Variants in STAB2 observed in about 807,000 individuals in gnomAD.
STAB2 encodes the protein stabilin 2, also known as stabilin-2.
A neutral mutation model predicts 338.1 loss-of-function variants in STAB2; 288 were observed. That is an observed-to-expected ratio of 0.85 (90% CI 0.77 to 0.94). STAB2 has a LOEUF of 0.94. STAB2 is among the 40% of genes least tolerant of loss of function. STAB2 has a pLI of 0.00. For synonymous variants in STAB2, 1,202 were observed against 1,193.3 expected (o/e 1.01, Z -0.15); for missense variants, 3,141 against 3,210.1 (o/e 0.98, Z 0.52).
At chr12:103,744,083 TTG>T (rs1348273526) in intron 56 of STAB2, among the ~76,000 whole-genome samples, 3 of 152,120 alleles carry the variant, frequency 2.0e-5, no homozygotes, top group Non-Finnish European at 2.9e-5. Context: ...TAATGGTGAC[TTG>T]CACTAGTACG....
In STAB2 at chr12:103,712,337, A is replaced by G. The variant is rs138654815; in HGVS notation, c.4335-30A>G. ...GTGGTGGGAGGTGGAGTATTTTTCT[A>G]CAAACCCCATTTGTCCTTCCTTGTT... On this transcript the variant is annotated intron_variant, in intron 40 of 68. Coordinates refer to ENST00000388887, the MANE Select transcript of STAB2 (RefSeq NM_017564.10). 6.9e-5 allele frequency: 109 copies of G among 1,584,160 alleles called. No homozygotes were observed. The African/African-American group carries it at 1.2e-3, about 18-fold the overall frequency.
At chr12:103,648,253 G>T (rs1873474586) in intron 9 of STAB2, among the ~76,000 whole-genome samples, 1 of 152,180 alleles carries the variant, frequency 6.6e-6, no homozygotes, top group Non-Finnish European at 1.5e-5. Context: ...CTAGGAAGGA[G>T]CAGGGGTGGG....
intron 9 of STAB2, 87 bp from the exon 10 acceptor site, chr12:103,648,603 C>G: frequency 6.6e-7 from 1 of 1,525,336 alleles, no homozygotes; most frequent in Non-Finnish European, 8.8e-7. Context: ...TCCTTTGCTC[C>G]ATCTGTTCAA....
chr12:103,666,252 A>G (rs1875086663), intron 18 of STAB2, 39 bp from the exon 19 acceptor site: 3 of 1,606,184 alleles, frequency 1.9e-6, no homozygotes, highest in Non-Finnish European at 1.7e-6. Context: ...GCTCCCTCTC[A>G]TAGGGACACC....
At chr12:103,709,442 T>C (rs1419634099) in intron 39 of STAB2, among the ~76,000 whole-genome samples, 1 of 152,204 alleles carries the variant, frequency 6.6e-6, no homozygotes, top group Non-Finnish European at 1.5e-5. Flanking sequence ...TGATCGTATT[T>C]GGCACTTAAG....
In STAB2 at chr12:103,746,638, A is replaced by T; in HGVS notation, c.6178A>T (p.Thr2060Ser). 6.2e-7 allele frequency: 1 copy of T among 1,614,068 alleles called. No individual in the cohort carries two copies. Among genetic ancestry groups the T allele is most frequent in the Non-Finnish European group, 8.5e-7 (1 of 1,179,958 alleles). ...TACGCCTCCTTGTTCTGCTCATGCC[A>T]CCTGTAAGGAGAACAACACGTGTGA... ...VCTPPCSAHA[T>S]CKENNTCECN... Residue 2060 changes from threonine (T) to serine (S), a missense_variant, in exon 58 of 69, where the codon ACC (threonine) becomes TCC (serine). By Grantham distance (58) the Thr-to-Ser change is moderately conservative (BLOSUM62 1). Transcript: ENST00000388887.
chr12:103,759,277 C>T lies in STAB2; in HGVS notation c.7248+4C>T, dbSNP rs769148002. 8 of 1,613,542 alleles carry T rather than the reference C, an allele frequency of 5.0e-6. No homozygotes were observed. The highest frequency in any genetic ancestry group is 1.3e-5 in the African/African-American group (1 of 75,030). On this transcript the variant is annotated splice_donor_region_variant and intron_variant, in intron 65 of 68. Transcript: ENST00000388887. ...CAGCCAGGACCCACTCCAACCGGTA[C>T]AAAGTCTTCTGGGCTTCTTGGGGGA...
chr12:103,720,579 T>C (rs982431094), intron 44 of STAB2, among the ~76,000 whole-genome samples: 1 of 152,228 alleles, frequency 6.6e-6, no homozygotes, highest in South Asian at 2.1e-4. Context: ...AAAGCTCTTT[T>C]AAATACTGGG....
At chr12:103,700,467 A>G (rs1878764774) in intron 34 of STAB2, among the ~76,000 whole-genome samples, 1 of 152,224 alleles carries the variant, frequency 6.6e-6, no homozygotes, top group African/African-American at 2.4e-5. Context: ...GCTTATGGGG[A>G]AAAAAGTCTT....
intron 16 of STAB2, 126 bp downstream of exon 16, chr12:103,660,510 T>G: frequency 7.6e-7 from 1 of 1,308,374 alleles, no homozygotes; most frequent in South Asian, 1.2e-5. Context: ...CCCTCAGCCA[T>G]GAACAATGAG....
chr12:103,766,463 C>T lies in STAB2; in HGVS notation c.*127C>T. The T allele has an allele frequency of 9.3e-7, 1 of 1,077,736 alleles. No individual in the cohort carries two copies. Among genetic ancestry groups the T allele is most frequent in the East Asian group, 2.6e-5 (1 of 39,100 alleles). The allele number at this position is 1,077,736 out of a possible 1,614,324, so 66.8% of individuals were successfully genotyped here. On this transcript the variant is annotated 3_prime_UTR_variant, in exon 69 of 69. Coordinates refer to ENST00000388887, the MANE Select transcript of STAB2 (RefSeq NM_017564.10). ...CACTCAGAAGCCATACCTCATCTCT[C>T]TGGCTGATCTGGGGGTTGTTTCTGT... is the stretch of plus-strand genomic sequence containing the variant.
chr12:103,684,274 C>A (rs1306150390), intron 26 of STAB2, among the ~76,000 whole-genome samples: 1 of 152,166 alleles, frequency 6.6e-6, no homozygotes, highest in African/African-American at 2.4e-5. Context: ...ACTGGCCCAA[C>A]TGGGTGCAGG....
chr12:103,670,123 C>G (rs1875612283), intron 21 of STAB2, among the ~76,000 whole-genome samples: 1 of 151,972 alleles, frequency 6.6e-6, no homozygotes, highest in East Asian at 1.9e-4. Context: ...ATTTAATAAG[C>G]CCGCCTCTAA....
intron 22 of STAB2, among the ~76,000 whole-genome samples, chr12:103,673,560 G>T (rs890007748): frequency 6.6e-6 from 1 of 151,918 alleles, no homozygotes; most frequent in Non-Finnish European, 1.5e-5. Context: ...TGTTGCCCAG[G>T]CTTGTCTCAA....
chr12:103,730,775 G>A (rs1389918297), intron 49 of STAB2, among the ~76,000 whole-genome samples: 2 of 152,322 alleles, frequency 1.3e-5, no homozygotes, highest in South Asian at 2.1e-4. Flanking sequence ...CTGGCTAGGT[G>A]CAGTGGCTCA....
At chr12:103,616,220 C>A (rs1368943162) in intron 3 of STAB2, among the ~76,000 whole-genome samples, 1 of 152,126 alleles carries the variant, frequency 6.6e-6, no homozygotes, top group East Asian at 1.9e-4. Flanking sequence ...CAGTGTAGCC[C>A]AGAGCATGGT....
intron 9 of STAB2, among the ~76,000 whole-genome samples, chr12:103,643,809 CGCCCCG>C (rs1873093698): frequency 6.6e-6 from 1 of 151,822 alleles, no homozygotes; most frequent in African/African-American, 2.4e-5. Flanking sequence ...GGCTATTAGC[CGCCCCG>C]ACCGGGAGGG....
intron 26 of STAB2, among the ~76,000 whole-genome samples, chr12:103,684,197 A>G (rs1313119840): frequency 1.3e-5 from 2 of 152,142 alleles, no homozygotes; most frequent in Non-Finnish European, 2.9e-5. Context: ...TTCCCCCACC[A>G]TCAGTGATGC....
chr12:103,611,074 C>A (rs1957114611), intron 3 of STAB2, among the ~76,000 whole-genome samples: 1 of 152,172 alleles, frequency 6.6e-6, no homozygotes, highest in Non-Finnish European at 1.5e-5. Flanking sequence ...AATTTCTGTT[C>A]TTTTACATTT....
Sources: allele counts gnomAD v4.1 joint callset (sites outside exome capture counted in the v4.1 genomes callset), GRCh38; gene constraint gnomAD v4.1.1; transcripts MANE v1.5; gene names NCBI Gene and HGNC (gene_info 2026-07-23, HGNC 2026-07-21).